The following LRRIQ3 variants were observed in gnomAD, a reference collection of about 807,000 sequenced individuals.
LRRIQ3 encodes the protein leucine-rich repeat and IQ domain-containing protein 3.
A neutral mutation model predicts 59.3 loss-of-function variants in LRRIQ3; 75 were observed. That is an observed-to-expected ratio of 1.26 (90% confidence interval 1.05 to 1.53). The LOEUF (loss-of-function observed/expected upper bound fraction) is 1.53, where lower values mean the gene tolerates loss of function less well. Ranked by LOEUF, LRRIQ3 falls within the 40% of genes most tolerant of loss-of-function variation. The probability of loss-of-function intolerance (pLI) is 0.00; values close to 1 mark genes in which losing one functional copy is unlikely to be tolerated. For synonymous variants in LRRIQ3, 250 were observed against 231.3 expected (o/e 1.08, Z -0.73); for missense variants, 831 against 710.0 (o/e 1.17, Z -1.94).
At chr1:74,068,383 C>A (rs1654926321) in intron 6 of LRRIQ3, among the ~76,000 whole-genome samples, 1 of 151,916 alleles carries the variant, frequency 6.6e-6, no homozygotes, top group African/African-American at 2.4e-5. Context: ...GGAAATAGAA[C>A]AATTCTCTTA....
rs575422405 is a variant in LRRIQ3 at position 74,194,749 on chromosome 1, T to C, written c.-1+3247A>G. Among the ~76,000 whole-genome samples, 41 of 152,268 alleles carry C rather than the reference T, an allele frequency of 2.7e-4. No homozygotes were observed. The South Asian group carries it at 3.7e-3, about 14-fold the overall frequency. ...AATAAAGAAATTAGCACGACAAATA[T>C]TTCTTCTAGCCCAAAACATTCCTTG... On this transcript the variant is annotated intron_variant, in intron 1 of 7. Coordinates refer to ENST00000354431, the MANE Select transcript of LRRIQ3 (RefSeq NM_001105659.2).
At chr1:74,030,806 C>T (rs1344506354) in intron 7 of LRRIQ3, among the ~76,000 whole-genome samples, 9 of 152,112 alleles carry the variant, frequency 5.9e-5, no homozygotes, top group African/African-American at 1.4e-4. Context: ...AAAGAAACTA[C>T]CATCAGAATG....
intron 6 of LRRIQ3, among the ~76,000 whole-genome samples, chr1:74,071,857 C>T (rs1234690380): frequency 2.0e-5 from 3 of 151,904 alleles, no homozygotes; most frequent in Admixed American, 6.6e-5. Context: ...AGCATGGGTC[C>T]CTTTCATTAG....
chr1:74,059,141 G>A (rs1267762291), intron 6 of LRRIQ3, among the ~76,000 whole-genome samples: 3 of 151,904 alleles, frequency 2.0e-5, no homozygotes, highest in African/African-American at 7.2e-5. Flanking sequence ...CTTACTCAGC[G>A]AGTGTCTTTT....
intron 5 of LRRIQ3, among the ~76,000 whole-genome samples, chr1:74,086,306 C>G (rs1646326958): frequency 6.6e-6 from 1 of 152,098 alleles, no homozygotes; most frequent in South Asian, 2.1e-4. Flanking sequence ...GACAATACTT[C>G]AGCATGGTGT....
intron 5 of LRRIQ3, among the ~76,000 whole-genome samples, chr1:74,103,903 C>G (rs749670214): frequency 2.6e-5 from 4 of 151,824 alleles, no homozygotes; most frequent in Non-Finnish European, 4.4e-5. Flanking sequence ...CTTGCCAGCT[C>G]TGTTCTGCAA....
At chr1:74,153,173 G>A (rs750881885) in intron 4 of LRRIQ3, among the ~76,000 whole-genome samples, 1 of 151,876 alleles carries the variant, frequency 6.6e-6, no homozygotes, top group Non-Finnish European at 1.5e-5. Context: ...CTTTACGTAG[G>A]TTTAGGAGGC....
intron 5 of LRRIQ3, 183 bp downstream of exon 5, chr1:74,109,211 C>T (rs1337540872): frequency 1.1e-5 from 6 of 537,426 alleles, no homozygotes; most frequent in Middle Eastern, 5.0e-4. Context: ...ATAGATGCAC[C>T]ACAAAAATAT....
At chr1:74,029,095 C>T (rs1653612467) in intron 7 of LRRIQ3, among the ~76,000 whole-genome samples, 1 of 152,072 alleles carries the variant, frequency 6.6e-6, no homozygotes, top group South Asian at 2.1e-4. Flanking sequence ...AGTTGCTTAT[C>T]AGCTTAAGGA....
intron 1 of LRRIQ3, among the ~76,000 whole-genome samples, chr1:74,195,589 C>A (rs536191551): frequency 2.6e-4 from 39 of 152,232 alleles, no homozygotes; most frequent in African/African-American, 8.9e-4. Context: ...TATGGCAGCT[C>A]TTCAGATACT....
chr1:74,038,231 C>G (rs545810519), intron 7 of LRRIQ3, among the ~76,000 whole-genome samples: 2 of 152,268 alleles, frequency 1.3e-5, no homozygotes, highest in Admixed American at 1.3e-4. Flanking sequence ...TGAACCTGAC[C>G]CATCCCTCCT....
chr1:74,142,811 A>G (rs1647319046), intron 4 of LRRIQ3, among the ~76,000 whole-genome samples: 1 of 152,050 alleles, frequency 6.6e-6, no homozygotes, highest in Admixed American at 6.6e-5. Context: ...TTGCTGATGG[A>G]TGTACTATTC....
chr1:74,073,099 T>A (rs1216075550), intron 6 of LRRIQ3, among the ~76,000 whole-genome samples: 2 of 152,186 alleles, frequency 1.3e-5, no homozygotes, highest in Non-Finnish European at 2.9e-5. Flanking sequence ...TTTACTTCCA[T>A]TCACTCTTAA....
At chr1:74,168,239 C>T (rs889723118) in intron 3 of LRRIQ3, among the ~76,000 whole-genome samples, 16 of 151,894 alleles carry the variant, frequency 1.1e-4, no homozygotes, top group Non-Finnish European at 4.4e-5. Context: ...TTTCAGTTTT[C>T]TGTCCATATA....
chr1:74,186,967 T>C (rs1428142211), intron 1 of LRRIQ3, among the ~76,000 whole-genome samples: 2 of 151,912 alleles, frequency 1.3e-5, no homozygotes, highest in African/African-American at 2.4e-5. Context: ...AAATCACTAA[T>C]CATCAGGGAA....
At chr1:74,028,140 T>C (rs1653575970) in intron 7 of LRRIQ3, among the ~76,000 whole-genome samples, 1 of 152,004 alleles carries the variant, frequency 6.6e-6, no homozygotes, top group South Asian at 2.1e-4. Flanking sequence ...ATCAATCTAA[T>C]TGTCTGGGTC....
chr1:74,041,626 G>T lies in LRRIQ3; in HGVS notation c.1305C>A (p.Tyr435Ter), dbSNP rs1026189194. The T allele has an allele frequency of 1.9e-6, 3 of 1,613,482 alleles. No individual in the cohort carries two copies. Among genetic ancestry groups the T allele is most frequent in the African/African-American group, 2.7e-5 (2 of 74,930 alleles). ...CTACAACTCTTACTTTTTCTTTATG[G>T]TATTCCTGCTTCTTTTGTTCTGTGT... ...KYYTEQKKQE[Y>*]HKEKVRVVAM... The change falls in exon 7 of 8, where the codon TAC becomes TAA. Residue 435 changes from tyrosine to a stop codon, truncating the protein, a stop_gained. Coordinates refer to ENST00000354431, the MANE Select transcript of LRRIQ3 (RefSeq NM_001105659.2). LOFTEE classifies it high-confidence loss of function.
intron 3 of LRRIQ3, among the ~76,000 whole-genome samples, chr1:74,160,947 C>T (rs1570236172): frequency 6.6e-6 from 1 of 152,094 alleles, no homozygotes; most frequent in African/African-American, 2.4e-5. Flanking sequence ...AGTCAGGCTG[C>T]CTTAGTTTCT....
chr1:74,107,599 T>C, intron 5 of LRRIQ3, among the ~76,000 whole-genome samples: 1 of 149,120 alleles, frequency 6.7e-6, no homozygotes, highest in East Asian at 2.0e-4. Context: ...AATAATAAAA[T>C]AAGAATAATG....
Sources: gnomAD v4.1 joint callset for allele counts (sites outside exome capture counted in the v4.1 genomes callset) on GRCh38, gnomAD v4.1.1 for gene constraint, MANE v1.5 for transcripts, NCBI Gene and HGNC (gene_info 2026-07-23, HGNC 2026-07-21) for gene names.